The following ZMYND8 variants were observed in gnomAD, a reference collection of about 807,000 sequenced individuals.
The protein encoded by ZMYND8 is MYND-type zinc finger-containing chromatin reader ZMYND8.
Under a neutral mutation model 140.8 loss-of-function variants are expected in ZMYND8, and 37 were observed. The ratio of observed to expected loss-of-function variants is 0.26; its 90% CI spans 0.20 to 0.35. ZMYND8 has a LOEUF of 0.35. ZMYND8 is among the 10% of genes least tolerant of loss of function. ZMYND8 has a pLI of 1.00. For synonymous variants in ZMYND8, 592 were observed against 597.1 expected (o/e 0.99, Z 0.12); for missense variants, 1,068 against 1,570.0 (o/e 0.68, Z 5.40).
chr20:47,276,827 T>A, intron 10 of ZMYND8, 32 bp from the exon 11 acceptor site: 1 of 1,525,902 alleles, frequency 6.6e-7, no homozygotes, highest in Non-Finnish European at 8.8e-7. Context: ...AGAGTTTAAG[T>A]CAACTTCAGT....
intron 8 of ZMYND8, 92 bp from the exon 9 acceptor site, chr20:47,283,740 G>C: frequency 7.6e-7 from 1 of 1,310,906 alleles, no homozygotes; most frequent in East Asian, 2.4e-5. Flanking sequence ...AGGTTAAGAT[G>C]TTTTAAAGTC....
At position 47,346,768 on chromosome 20, in the gene ZMYND8, G is replaced by A. The variant is rs985950688; in HGVS notation, c.85+1088C>T. ...ATTACAGGCGCGTGCCACCATGCCC[G>A]ACTAATTTTTGTATTTTTAGTAGAG... On this transcript the variant is annotated intron_variant, in intron 2 of 22. Coordinates refer to ENST00000471951, the MANE Select transcript of ZMYND8 (RefSeq NM_001281775.3). 7.2e-5 allele frequency among the ~76,000 whole-genome samples: 11 copies of A among 152,102 alleles called. 1 individual carries two copies. The highest frequency in any genetic ancestry group is 4.1e-4 in the South Asian group (2 of 4,832).
At chr20:47,257,024 A>T (rs2147473049) in intron 12 of ZMYND8, among the ~76,000 whole-genome samples, 1 of 152,324 alleles carries the variant, frequency 6.6e-6, no homozygotes, top group East Asian at 1.9e-4. Flanking sequence ...GAAGAAAAGG[A>T]CCGGGCCCAC....
chr20:47,232,524 T>C (rs2038643738), intron 16 of ZMYND8, among the ~76,000 whole-genome samples: 1 of 145,756 alleles, frequency 6.9e-6, no homozygotes, highest in Non-Finnish European at 1.5e-5. Flanking sequence ...ACCCCAACTC[T>C]AAAAAAAAAA....
intron 11 of ZMYND8, among the ~76,000 whole-genome samples, chr20:47,269,905 T>C (rs943548960): frequency 1.3e-5 from 2 of 152,162 alleles, no homozygotes; most frequent in African/African-American, 4.8e-5. Context: ...TTGGTAAAAA[T>C]GCTGTTTTGA....
chr20:47,356,414 T>C (rs1367240068), intron 1 of ZMYND8: 1 of 1,531,512 alleles, frequency 6.5e-7, no homozygotes, highest in African/African-American at 1.4e-5. Flanking sequence ...AGAAACACCA[T>C]GCCCTGGTGG....
At chr20:47,229,018 C>T (rs916469659) in intron 17 of ZMYND8, among the ~76,000 whole-genome samples, 2 of 151,036 alleles carry the variant, frequency 1.3e-5, no homozygotes, top group Admixed American at 6.6e-5. Flanking sequence ...CCTTAAGAGA[C>T]AGGGTCTCAT....
At chr20:47,292,707 A>G (rs1489207883) in intron 5 of ZMYND8, among the ~76,000 whole-genome samples, 3 of 152,034 alleles carry the variant, frequency 2.0e-5, no homozygotes, top group South Asian at 4.1e-4. Context: ...ACTAGCCCCT[A>G]TGGTGCCTTT....
In ZMYND8 at chr20:47,269,817, G is replaced by A. The variant is rs529853334; in HGVS notation, c.1480+6497C>T. On this transcript the variant is annotated intron_variant, in intron 11 of 22. Coordinates refer to ENST00000471951, the MANE Select transcript of ZMYND8 (RefSeq NM_001281775.3). Reference sequence around the variant, plus strand: ...AAACAACCTGTATGTTCAAAGTGCCGCACCTTGCACAACTCCTATGGTGCC... The same window carrying A: ...AAACAACCTGTATGTTCAAAGTGCCACACCTTGCACAACTCCTATGGTGCC... Among the ~76,000 whole-genome samples the A allele has an allele frequency of 5.9e-5, 9 of 152,312 alleles. No individual in the cohort carries two copies. The East Asian group carries it at 7.7e-4, about 13-fold the overall frequency.
chr20:47,249,200 TC>T, intron 13 of ZMYND8, 86 bp downstream of exon 13: 1 of 1,480,488 alleles, frequency 6.8e-7, no homozygotes, highest in Non-Finnish European at 9.1e-7. Context: ...CAGCCAGGAT[TC>T]AACCTTGATT....
chr20:47,224,399 G>A lies in ZMYND8; in HGVS notation c.3174C>T (p.Tyr1058=). Residue 1058 remains tyrosine, a synonymous_variant, in exon 19 of 23, where the codon TAC becomes TAT. Transcript: ENST00000471951. Reference sequence around the variant, plus strand: ...CACAGTAGCTGGTGTTCCAACAGCAGTAAAAGATGGCCTCCTTCTTGCAGT... The same window carrying A: ...CACAGTAGCTGGTGTTCCAACAGCAATAAAAGATGGCCTCCTTCTTGCAGT... The part of the protein sequence containing the change: ...CANCKKEAIF[Y]CCWNTSYCDY... The A allele has an allele frequency of 1.2e-6, 2 of 1,614,266 alleles. No homozygotes were observed. Among genetic ancestry groups the A allele is most frequent in the South Asian group, 1.1e-5 (1 of 91,090 alleles).
At chr20:47,266,866 C>T (rs1289057644) in intron 11 of ZMYND8, among the ~76,000 whole-genome samples, 1 of 152,030 alleles carries the variant, frequency 6.6e-6, no homozygotes, top group Admixed American at 6.6e-5. Flanking sequence ...ATAAACAGAT[C>T]TACAATATTT....
At position 47,210,501 on chromosome 20, in the gene ZMYND8, T is replaced by TCTAGATTCAATG; in HGVS notation, c.*248_*259dup. Reference sequence around the variant, plus strand: ...TACAAATATAAAAAGGGGAAAGTCCTCTAGATTCAATGACATCCACAAATT... The same window carrying TCTAGATTCAATG: ...TACAAATATAAAAAGGGGAAAGTCCTCTAGATTCAATGCTAGATTCAATGACATCCACAAATT... On this transcript the variant is annotated 3_prime_UTR_variant, in exon 23 of 23. Coordinates refer to ENST00000471951, the MANE Select transcript of ZMYND8 (RefSeq NM_001281775.3). The TCTAGATTCAATG allele has an allele frequency of 2.8e-6, 1 of 360,700 alleles. No individual in the cohort carries two copies. Among genetic ancestry groups the TCTAGATTCAATG allele is most frequent in the Non-Finnish European group, 5.2e-6 (1 of 193,920 alleles). The allele number at this position is 360,700 out of a possible 1,614,324, so 22.3% of individuals were successfully genotyped here.
rs572144577 is a variant in ZMYND8 at position 47,258,216 on chromosome 20, A to C, written c.1621+4072T>G. ...AAAAAAGCTGACGTATCCAATAGGC[A>C]CAGGAGACATTCAGGTATCTCAGCT... On this transcript the variant is annotated intron_variant, in intron 12 of 22. Coordinates refer to ENST00000471951, the MANE Select transcript of ZMYND8 (RefSeq NM_001281775.3). Among the ~76,000 whole-genome samples the C allele has an allele frequency of 4.6e-5, 7 of 152,346 alleles. No individual in the cohort carries two copies. In the East Asian group the frequency reaches 1.2e-3, roughly 25 times the overall value.
chr20:47,338,385 G>C (rs555358440), intron 2 of ZMYND8, among the ~76,000 whole-genome samples: 1 of 151,988 alleles, frequency 6.6e-6, no homozygotes, highest in Non-Finnish European at 1.5e-5. Flanking sequence ...TCATGTCACA[G>C]GGGAACAGAG....
intron 2 of ZMYND8, among the ~76,000 whole-genome samples, chr20:47,322,069 C>G (rs1037812167): frequency 6.6e-6 from 1 of 151,918 alleles, no homozygotes; most frequent in Admixed American, 6.6e-5. Flanking sequence ...CCATGTTGCC[C>G]AGACTGGTCT....
chr20:47,271,227 T>TG (rs1569055536), intron 11 of ZMYND8, among the ~76,000 whole-genome samples: 1 of 152,192 alleles, frequency 6.6e-6, no homozygotes, highest in Non-Finnish European at 1.5e-5. Flanking sequence ...CATGACCTAT[T>TG]AGCCGTGTGT....
At chr20:47,224,958 G>A (rs2037479672) in intron 18 of ZMYND8, among the ~76,000 whole-genome samples, 2 of 152,074 alleles carry the variant, frequency 1.3e-5, no homozygotes, top group South Asian at 4.1e-4. Flanking sequence ...CTACATGAAG[G>A]CACTGTTCTA....
chr20:47,355,398 T>C, intron 1 of ZMYND8: 2 of 977,808 alleles, frequency 2.0e-6, no homozygotes, highest in Non-Finnish European at 2.4e-6. Flanking sequence ...ACCCCAAATG[T>C]TCGCAAAACT....
Sources: gnomAD v4.1 joint callset for allele counts (sites outside exome capture counted in the v4.1 genomes callset) on GRCh38, gnomAD v4.1.1 for gene constraint, MANE v1.5 for transcripts, NCBI Gene and HGNC (gene_info 2026-07-23, HGNC 2026-07-21) for gene names.